The following UTRN variants were observed in gnomAD, a reference collection of about 807,000 sequenced individuals.
UTRN encodes utrophin.
In UTRN, 283 loss-of-function variants were observed where a neutral mutation model predicts 463.9. The observed-to-expected ratio is 0.61, with a 90% confidence interval of 0.55 to 0.67. The LOEUF (loss-of-function observed/expected upper bound fraction) is 0.67, where lower values mean the gene tolerates loss of function less well. Ranked by LOEUF, UTRN falls within the 30% of genes least tolerant of loss-of-function variation. The pLI, the probability that UTRN is intolerant of heterozygous loss-of-function variation, is 0.00. For synonymous variants in UTRN, 1,442 were observed against 1,431.5 expected, an observed-to-expected ratio of 1.01 and a Z score of -0.17; for missense variants, 3,922 against 4,084.3, an observed-to-expected ratio of 0.96 and a Z score of 1.08.
At chr6:144,579,508 A>T (rs1043396356) in intron 51 of UTRN, among the ~76,000 whole-genome samples, 1 of 152,224 alleles carries the variant, frequency 6.6e-6, no homozygotes, top group Non-Finnish European at 1.5e-5. Context: ...GGCCTATTCT[A>T]GAGTTTAATG....
intron 2 of UTRN, among the ~76,000 whole-genome samples, chr6:144,336,259 C>T (rs1776710604): frequency 6.6e-6 from 1 of 152,038 alleles, no homozygotes; most frequent in South Asian, 2.1e-4. Context: ...ATGGTGGGAA[C>T]TTCAATCCAG....
chr6:144,795,092 A>G lies in UTRN; in HGVS notation c.9078+1101A>G, dbSNP rs143097619. Among the ~76,000 whole-genome samples, 495 of 151,606 alleles carry G rather than the reference A, an allele frequency of 3.3e-3. 3 individuals carry two copies. The highest frequency in any genetic ancestry group is 0.011 in the African/African-American group (467 of 41,292). On this transcript the variant is annotated intron_variant, in intron 63 of 74. Coordinates refer to ENST00000367545, the MANE Select transcript of UTRN (RefSeq NM_007124.3). The stretch of plus-strand genomic sequence containing the variant: ...TGTGTCCATGTGTTCTCATTGTTCA[A>G]CTCTCACTTATGAGTGAGAACATGT...
At chr6:144,784,428 G>GT (rs1417845804) in intron 61 of UTRN, among the ~76,000 whole-genome samples, 7 of 152,290 alleles carry the variant, frequency 4.6e-5, no homozygotes, top group African/African-American at 1.4e-4. Context: ...TCTTCACATG[G>GT]TTTTTCCTTG....
intron 32 of UTRN, among the ~76,000 whole-genome samples, chr6:144,491,512 A>G: frequency 6.6e-6 from 1 of 152,224 alleles, no homozygotes; most frequent in Non-Finnish European, 1.5e-5. Flanking sequence ...AAAAATTTCA[A>G]TAGAAATTTA....
chr6:144,583,999 T>A (rs1475038709), intron 51 of UTRN, among the ~76,000 whole-genome samples: 1 of 152,194 alleles, frequency 6.6e-6, no homozygotes, highest in Non-Finnish European at 1.5e-5. Context: ...TCAGTAGATT[T>A]TTAAAAAATG....
At chr6:144,653,112 T>C (rs1044139876) in intron 51 of UTRN, among the ~76,000 whole-genome samples, 1 of 152,176 alleles carries the variant, frequency 6.6e-6, no homozygotes, top group Admixed American at 6.5e-5. Context: ...GACACTCAGC[T>C]CTCCAGTCCC....
chr6:144,807,479 C>G (rs546417456), intron 65 of UTRN, among the ~76,000 whole-genome samples: 71 of 152,124 alleles, frequency 4.7e-4, no homozygotes, highest in African/African-American at 1.6e-3. Context: ...TTTCCCCCTA[C>G]TATTCTATAA....
intron 56 of UTRN, among the ~76,000 whole-genome samples, chr6:144,753,518 CTG>C (rs1323379967): frequency 6.6e-6 from 1 of 152,012 alleles, no homozygotes; most frequent in African/African-American, 2.4e-5. Flanking sequence ...ACTTGAGAGA[CTG>C]AGGTGGGAGG....
chr6:144,764,887 A>G (rs1171459864), intron 58 of UTRN, among the ~76,000 whole-genome samples: 2 of 152,180 alleles, frequency 1.3e-5, no homozygotes, highest in African/African-American at 2.4e-5. Flanking sequence ...AAAGGATACA[A>G]TGATCCCCTC....
intron 6 of UTRN, among the ~76,000 whole-genome samples, chr6:144,425,195 G>GTGGGCT (rs1380541896): frequency 6.6e-6 from 1 of 152,154 alleles, no homozygotes; most frequent in Non-Finnish European, 1.5e-5. Flanking sequence ...GTCTCTCTCA[G>GTGGGCT]TGGGCTTGGG....
chr6:144,820,891 G>A lies in UTRN; in HGVS notation c.9367G>A (p.Gly3123Arg), dbSNP rs764553039. Residue 3123 changes from glycine to arginine, a missense_variant, in exon 66 of 75, where the codon GGG (glycine) becomes AGG (arginine). Physicochemically the swap from Gly to Arg is moderately radical, Grantham distance 125. Coordinates refer to ENST00000367545, the MANE Select transcript of UTRN (RefSeq NM_007124.3). The part of the protein sequence containing the change: ...MVEYCIPTTS[G>R]EDVRDFTKVL... The stretch of plus-strand genomic sequence containing the variant: ...GTTTTCAACCTTATAGACAACATCT[G>A]GGGAAGATGTACGAGACTTCACAAA... The A allele has an allele frequency of 6.2e-7, 1 of 1,613,036 alleles. No homozygotes were observed. The highest frequency in any genetic ancestry group is 8.5e-7 in the Non-Finnish European group (1 of 1,179,520).
chr6:144,750,427 G>A (rs1211710553), intron 55 of UTRN, among the ~76,000 whole-genome samples: 1 of 152,018 alleles, frequency 6.6e-6, no homozygotes, highest in African/African-American at 2.4e-5. Context: ...TTGAAATGTT[G>A]GTAGCTGCAG....
chr6:144,774,411 T>TG (rs1204545941), intron 60 of UTRN, 47 bp downstream of exon 60: 2 of 1,452,314 alleles, frequency 1.4e-6, no homozygotes, highest in South Asian at 2.6e-5. Flanking sequence ...TGAATTGCGT[T>TG]TTTTTTTTTT....
At chr6:144,803,204 C>A in intron 65 of UTRN, 57 bp downstream of exon 65, 1 of 1,051,054 alleles carries the variant, frequency 9.5e-7, no homozygotes, top group Admixed American at 3.2e-5. Context: ...TAACTAGTAT[C>A]TAAAATTTTA....
chr6:144,400,500 G>T (rs1309156304), intron 2 of UTRN, among the ~76,000 whole-genome samples: 1 of 152,136 alleles, frequency 6.6e-6, no homozygotes, highest in East Asian at 1.9e-4. Context: ...GTGATGTGGA[G>T]GTTAGTAAGT....
At chr6:144,578,528 T>C (rs1801661382) in intron 51 of UTRN, among the ~76,000 whole-genome samples, 1 of 152,128 alleles carries the variant, frequency 6.6e-6, no homozygotes, top group African/African-American at 2.4e-5. Context: ...AGAGATGGGG[T>C]TTCACCATGT....
At chr6:144,694,359 T>C (rs184563119) in intron 52 of UTRN, among the ~76,000 whole-genome samples, 1 of 151,970 alleles carries the variant, frequency 6.6e-6, no homozygotes, top group African/African-American at 2.4e-5. Context: ...TTGGTGGTGG[T>C]TGTGTTTCTG....
chr6:144,286,312 C>T lies in UTRN; in HGVS notation c.-93+491C>T, dbSNP rs1182919174. On this transcript the variant is annotated intron_variant, in intron 1 of 74. Transcript: ENST00000367545. The surrounding 1 kb of genome is among the most constrained non-coding windows in gnomAD (Gnocchi z 4.4). ...GGCGGTGTCCACAGGAGAGGGTGGG[C>T]AGAGGGTGGCTGTGTGGTCGGCGGC... is the stretch of plus-strand genomic sequence containing the variant. 6.6e-6 allele frequency among the ~76,000 whole-genome samples: 1 copy of T among 152,094 alleles called. No individual in the cohort carries two copies. The highest frequency in any genetic ancestry group is 1.5e-5 in the Non-Finnish European group (1 of 67,990).
Position 144,539,289 on chromosome 6 carries a change from T to C in UTRN, c.6370-5T>C. ...CTAACCACACCTATCTTTTAACTTC[T>C]CCAGGACTTAACTCAAGAAATGGAA... On this transcript the variant is annotated splice_region_variant and splice_polypyrimidine_tract_variant and intron_variant, in intron 44 of 74. Transcript: ENST00000367545. The C allele has an allele frequency of 1.9e-6, 3 of 1,607,606 alleles. No homozygotes were observed. Among genetic ancestry groups the C allele is most frequent in the Non-Finnish European group, 2.5e-6 (3 of 1,176,970 alleles).
Sources: gnomAD v4.1 joint callset for allele counts (sites outside exome capture counted in the v4.1 genomes callset) on GRCh38, gnomAD v4.1.1 for gene constraint, Gnocchi (gnomAD v3.1) non-coding constraint, MANE v1.5 for transcripts, NCBI Gene and HGNC (gene_info 2026-07-23, HGNC 2026-07-21) for gene names.